The following RAPGEF5 variants were observed in gnomAD, a reference collection of about 807,000 sequenced individuals.
The protein encoded by RAPGEF5 is Rap guanine nucleotide exchange factor 5.
A neutral mutation model predicts 125.2 loss-of-function variants in RAPGEF5; 65 were observed. That is an observed-to-expected ratio of 0.52 (90% CI 0.43 to 0.64). The LOEUF (loss-of-function observed/expected upper bound fraction) is 0.64, where lower values mean the gene tolerates loss of function less well. RAPGEF5 is among the 30% of genes least tolerant of loss of function. The pLI is 0.00. For missense variants in RAPGEF5, 958 were observed against 1,048.1 expected, an observed-to-expected ratio of 0.91 and a Z score of 1.19; for synonymous variants, 391 against 385.9, an observed-to-expected ratio of 1.01 and a Z score of -0.16.
chr7:22,355,454 A>G (rs1024040827), intron 1 of RAPGEF5, among the ~76,000 whole-genome samples: 1 of 152,188 alleles, frequency 6.6e-6, no homozygotes, highest in Non-Finnish European at 1.5e-5. Context: ...TTTTCCCTGG[A>G]TTCCTGCAAA....
intron 6 of RAPGEF5, among the ~76,000 whole-genome samples, chr7:22,268,957 G>A (rs550163881): frequency 3.3e-5 from 5 of 152,116 alleles, no homozygotes; most frequent in Admixed American, 1.3e-4. Context: ...GAGCATTTCC[G>A]GGGCACTTGG....
chr7:22,183,041 G>A (rs1784720431), intron 11 of RAPGEF5, among the ~76,000 whole-genome samples: 1 of 152,052 alleles, frequency 6.6e-6, no homozygotes, highest in Admixed American at 6.5e-5. Context: ...GGGAGGATGA[G>A]GCAGGTGGAT....
intron 11 of RAPGEF5, among the ~76,000 whole-genome samples, chr7:22,169,841 C>G (rs1201778437): frequency 1.0e-5 from 1 of 97,162 alleles, no homozygotes; most frequent in African/African-American, 4.4e-5. Flanking sequence ...GCCTGTGCAA[C>G]AGAGCGAGAC....
chr7:22,324,808 G>A (rs1320819099), intron 1 of RAPGEF5, among the ~76,000 whole-genome samples: 10 of 152,042 alleles, frequency 6.6e-5, no homozygotes, highest in South Asian at 4.2e-4. Context: ...TTAATCTCCC[G>A]AAAACACCTC....
intron 1 of RAPGEF5, among the ~76,000 whole-genome samples, chr7:22,350,120 T>C (rs1784303174): frequency 2.0e-5 from 3 of 152,152 alleles, no homozygotes; most frequent in Admixed American, 2.0e-4. Flanking sequence ...TGGAATTATC[T>C]ATACTCCTAA....
At chr7:22,236,455 G>A (rs1342656378) in intron 7 of RAPGEF5, among the ~76,000 whole-genome samples, 5 of 152,128 alleles carry the variant, frequency 3.3e-5, no homozygotes, top group South Asian at 4.1e-4. Context: ...GATTTAATAC[G>A]GCGTGAGGAC....
intron 11 of RAPGEF5, among the ~76,000 whole-genome samples, chr7:22,185,820 AT>A (rs951821525): frequency 4.0e-5 from 6 of 150,944 alleles, no homozygotes; most frequent in Non-Finnish European, 7.4e-5. Context: ...TCTCTCACTG[AT>A]TTTTTTTTAT....
In RAPGEF5 at chr7:22,122,197, T is replaced by A. The variant is rs1378296492; in HGVS notation, c.*209A>T. ...GCTTCTGACTCTCCTTCTGCCTTCTTGTCCCGAGAGTAGCATGGAGAAACC... is the reference window on the plus strand; with the variant it reads ...GCTTCTGACTCTCCTTCTGCCTTCTAGTCCCGAGAGTAGCATGGAGAAACC... On this transcript the variant is annotated 3_prime_UTR_variant, in exon 26 of 26. Coordinates refer to ENST00000665637, the MANE Select transcript of RAPGEF5 (RefSeq NM_012294.5). The A allele has an allele frequency of 1.9e-6, 1 of 514,192 alleles. No individual in the cohort carries two copies. The highest frequency in any genetic ancestry group is 3.5e-6 in the Non-Finnish European group (1 of 284,464). 31.9% of individuals were successfully genotyped at this position (514,192 alleles called of 1,614,324 possible). A position where few individuals can be genotyped will look rare whatever the true frequency, so the allele number is the denominator to read the frequency against.
At chr7:22,166,610 A>T (rs910727433) in intron 12 of RAPGEF5, among the ~76,000 whole-genome samples, 1 of 152,236 alleles carries the variant, frequency 6.6e-6, no homozygotes, top group Non-Finnish European at 1.5e-5. Flanking sequence ...TCGACCTCCC[A>T]TGTGGGGGAA....
intron 1 of RAPGEF5, among the ~76,000 whole-genome samples, chr7:22,326,100 T>C (rs1783809217): frequency 1.3e-5 from 2 of 152,314 alleles, no homozygotes; most frequent in South Asian, 4.1e-4. Context: ...CTTAAATGTG[T>C]CTTTTCAATT....
intron 1 of RAPGEF5, among the ~76,000 whole-genome samples, chr7:22,342,926 C>G (rs1005652678): frequency 4.6e-5 from 7 of 152,214 alleles, no homozygotes; most frequent in African/African-American, 1.7e-4. Flanking sequence ...GTTCCAACCT[C>G]TGCCTGTTAC....
chr7:22,267,337 A>T (rs968400369), intron 6 of RAPGEF5, among the ~76,000 whole-genome samples: 1 of 152,202 alleles, frequency 6.6e-6, no homozygotes, highest in Non-Finnish European at 1.5e-5. Context: ...TAATGCAATT[A>T]TGAATTATTA....
Position 22,160,621 on chromosome 7 carries a change from G to A in RAPGEF5, c.1429-6C>T. ...AGTACATTCCTATATATGGTCTGGA[G>A]AAAAAAGACAAATGAGAGCTCAGTG... On this transcript the variant is annotated splice_region_variant and splice_polypyrimidine_tract_variant and intron_variant, in intron 13 of 25. Transcript: ENST00000665637. The A allele has an allele frequency of 2.0e-6, 3 of 1,524,310 alleles. No individual in the cohort carries two copies. The highest frequency in any genetic ancestry group is 2.2e-5 in the Admixed American group (1 of 46,072). The allele number at this position is 1,524,310 out of a possible 1,614,324, so 94.4% of individuals were successfully genotyped here.
At chr7:22,125,784 T>A in intron 24 of RAPGEF5, 126 bp from the exon 25 acceptor site, 1 of 854,894 alleles carries the variant, frequency 1.2e-6, no homozygotes. Flanking sequence ...GAACTGTATT[T>A]GGAGCTGGAT....
chr7:22,345,562 T>C (rs1784207130), intron 1 of RAPGEF5, among the ~76,000 whole-genome samples: 2 of 152,210 alleles, frequency 1.3e-5, no homozygotes, highest in South Asian at 4.1e-4. Context: ...AAAATAAGAA[T>C]GTATATGAAA....
In RAPGEF5 at chr7:22,222,238, C is replaced by CAAAACA. The variant is rs1423957282; in HGVS notation, c.871-2253_871-2248dup. Reference sequence around the variant, plus strand: ...TGGACGACAGAGCGAGAGTCCATCTCAAAACAAAAACAAAAACAAAGTTCC... The same window carrying CAAAACA: ...TGGACGACAGAGCGAGAGTCCATCTCAAAACAAAAACAAAAACAAAAACAAAGTTCC... On this transcript the variant is annotated intron_variant, in intron 8 of 25. Coordinates refer to ENST00000665637, the MANE Select transcript of RAPGEF5 (RefSeq NM_012294.5). Among the ~76,000 whole-genome samples the CAAAACA allele has an allele frequency of 7.2e-5, 11 of 152,102 alleles. No homozygotes were observed. The East Asian group carries it at 1.9e-3, about 27-fold the overall frequency.
Position 22,125,667 on chromosome 7 carries a change from T to C in RAPGEF5, c.2482-9A>G, listed in dbSNP as rs1452270040. On this transcript the variant is annotated splice_polypyrimidine_tract_variant and intron_variant, in intron 24 of 25. Transcript: ENST00000665637. Reference sequence around the variant, plus strand: ...GTGTCTGCGATCATATGCTGTAAAGTAGAACAGGAAACACATCAATGGAAG... The same window carrying C: ...GTGTCTGCGATCATATGCTGTAAAGCAGAACAGGAAACACATCAATGGAAG... 3.7e-6 allele frequency: 6 copies of C among 1,606,566 alleles called. No homozygotes were observed. The highest frequency in any genetic ancestry group is 2.2e-5 in the East Asian group (1 of 44,826).
intron 11 of RAPGEF5, among the ~76,000 whole-genome samples, chr7:22,183,133 G>A (rs889723860): frequency 2.6e-5 from 4 of 151,848 alleles, no homozygotes; most frequent in African/African-American, 9.7e-5. Flanking sequence ...ATTGGGCATG[G>A]TGGCACACAC....
At chr7:22,147,383 G>A (rs545456082) in intron 18 of RAPGEF5, among the ~76,000 whole-genome samples, 3 of 152,262 alleles carry the variant, frequency 2.0e-5, no homozygotes, top group Non-Finnish European at 2.9e-5. Flanking sequence ...TTAATGTGCC[G>A]GCAGGGTTAG....
Sources: gnomAD v4.1 joint callset for allele counts (sites outside exome capture counted in the v4.1 genomes callset) on GRCh38, gnomAD v4.1.1 for gene constraint, MANE v1.5 for transcripts, NCBI Gene and HGNC (gene_info 2026-07-23, HGNC 2026-07-21) for gene names.